DAPK2: variants seen among roughly 807,000 people sequenced by gnomAD.
DAPK2 encodes the protein death associated protein kinase 2.
DAPK2 carries 35 observed loss-of-function variants against 44.1 expected under a neutral mutation model. The ratio of observed to expected loss-of-function variants is 0.79; its 90% confidence interval spans 0.61 to 1.05. DAPK2 has a LOEUF of 1.05. Among genes scored for constraint, DAPK2 ranks in the 50% least tolerant of loss-of-function variants. The pLI, the probability that DAPK2 is intolerant of heterozygous loss-of-function variation, is 0.00. For synonymous variants in DAPK2, 174 were observed against 182.6 expected (o/e 0.95, Z 0.38); for missense variants, 453 against 483.2 (o/e 0.94, Z 0.59).
At chr15:63,961,278 TG>T (rs1314922762) in intron 3 of DAPK2, among the ~76,000 whole-genome samples, 1 of 152,238 alleles carries the variant, frequency 6.6e-6, no homozygotes, top group Non-Finnish European at 1.5e-5. Context: ...AGCACACTGA[TG>T]GGTCTTGACT....
intron 1 of DAPK2, among the ~76,000 whole-genome samples, chr15:63,989,499 C>A (rs533627989): frequency 6.6e-6 from 1 of 152,160 alleles, no homozygotes; most frequent in Non-Finnish European, 1.5e-5. Context: ...ATGAGGCTCT[C>A]GAGGTAACTG....
chr15:64,021,411 CT>C (rs999597443), intron 1 of DAPK2, among the ~76,000 whole-genome samples: 25 of 152,204 alleles, frequency 1.6e-4, no homozygotes, highest in Admixed American at 9.2e-4. Context: ...TGAACAGGGC[CT>C]TGATGAAATT....
exon 2 of DAPK2, chr15:63,983,747 A>C: frequency 1.2e-6 from 2 of 1,611,012 alleles, no homozygotes; most frequent in Non-Finnish European, 1.7e-6. Flanking sequence ...ACGATGGCAA[A>C]CTGGCCACTG....
chr15:63,993,723 T>A (rs756390558), intron 1 of DAPK2, among the ~76,000 whole-genome samples: 3 of 152,056 alleles, frequency 2.0e-5, no homozygotes, highest in Non-Finnish European at 2.9e-5. Context: ...ACCACCAACT[T>A]CCAAGCTTCC....
At chr15:64,032,502 C>A (rs1595916742) in intron 1 of DAPK2, among the ~76,000 whole-genome samples, 2 of 152,192 alleles carry the variant, frequency 1.3e-5, no homozygotes, top group African/African-American at 2.4e-5. Context: ...CTCATACGGC[C>A]ATTAGTGCTG....
At chr15:64,016,424 C>T (rs904115739) in intron 1 of DAPK2, among the ~76,000 whole-genome samples, 3 of 152,192 alleles carry the variant, frequency 2.0e-5, no homozygotes, top group Non-Finnish European at 4.4e-5. Flanking sequence ...GAGTGATTTG[C>T]CCTCAGTGAG....
intron 8 of DAPK2, chr15:63,918,037 C>T (rs1000428758): frequency 6.6e-6 from 1 of 152,192 alleles, no homozygotes; most frequent in Non-Finnish European, 1.5e-5. Flanking sequence ...GGACTGGACC[C>T]TTTTGCAACG....
chr15:63,942,886 C>T (rs2140471552), intron 3 of DAPK2, among the ~76,000 whole-genome samples: 1 of 152,272 alleles, frequency 6.6e-6, no homozygotes, highest in Non-Finnish European at 1.5e-5. Context: ...GTCTGCTTGT[C>T]TCCCTCTACT....
At chr15:63,925,678 G>GCGCGCGCACA (rs1352051474) in intron 7 of DAPK2, among the ~76,000 whole-genome samples, 17 of 138,540 alleles carry the variant, frequency 1.2e-4, no homozygotes, top group South Asian at 7.0e-4. Flanking sequence ...GACTTGTAGC[G>GCGCGCGCACA]CACACACACA....
chr15:64,007,288 C>A (rs1481876741), intron 1 of DAPK2, among the ~76,000 whole-genome samples: 1 of 152,014 alleles, frequency 6.6e-6, no homozygotes, highest in Non-Finnish European at 1.5e-5. Flanking sequence ...CCCTTTCACA[C>A]AACCCTTTCT....
intron 1 of DAPK2, among the ~76,000 whole-genome samples, chr15:63,994,064 G>T (rs2078884446): frequency 6.6e-6 from 1 of 152,120 alleles, no homozygotes; most frequent in Non-Finnish European, 1.5e-5. Context: ...TATCTTCATG[G>T]CCAGGAAAAT....
chr15:63,908,797 C>A lies in DAPK2; in HGVS notation c.1033-197G>T, dbSNP rs2078710340. On this transcript the variant is annotated intron_variant, in intron 10 of 10. Transcript: ENST00000261891. This position sits in a 1 kb window ranked among gnomAD's most constrained non-coding sequence, Gnocchi z 5.7. Reference sequence around the variant, plus strand: ...ATCTGAAACGAGGCCAGACCAACTGCTTGGAGGAAGGAAAGCAGCAGGGCA... The same window carrying A: ...ATCTGAAACGAGGCCAGACCAACTGATTGGAGGAAGGAAAGCAGCAGGGCA... 2 of 410,124 alleles carry A rather than the reference C, an allele frequency of 4.9e-6. No homozygotes were observed. Among genetic ancestry groups the A allele is most frequent in the South Asian group, 5.7e-5 (1 of 17,592 alleles). The allele number at this position is 410,124 out of a possible 1,614,324, so 25.4% of individuals were successfully genotyped here.
At chr15:64,016,929 C>T (rs1278369217) in intron 1 of DAPK2, among the ~76,000 whole-genome samples, 1 of 151,968 alleles carries the variant, frequency 6.6e-6, no homozygotes, top group Non-Finnish European at 1.5e-5. Flanking sequence ...CAGCATATGG[C>T]CTGCATACAA....
chr15:64,036,209 C>A lies in DAPK2; in HGVS notation c.92+3961G>T, dbSNP rs545039757. 1.3e-3 allele frequency among the ~76,000 whole-genome samples: 195 copies of A among 146,012 alleles called. 1 individual carries two copies. The highest frequency in any genetic ancestry group is 4.4e-3 in the African/African-American group (176 of 39,788). On this transcript the variant is annotated intron_variant, in intron 1 of 10. Coordinates refer to ENST00000261891, the Ensembl canonical transcript of DAPK2. ...CTGGGAGATGGAGGTTGCAGTGAGC[C>A]GAGATCTCACCACTGCACTCCAACC...
chr15:64,029,514 T>G (rs1392694108), intron 1 of DAPK2, among the ~76,000 whole-genome samples: 1 of 152,098 alleles, frequency 6.6e-6, no homozygotes, highest in Admixed American at 6.6e-5. Flanking sequence ...GGTGATAGCT[T>G]CCTCCTCCGA....
intron 1 of DAPK2, among the ~76,000 whole-genome samples, chr15:64,018,066 T>A (rs906632993): frequency 3.3e-5 from 5 of 152,218 alleles, no homozygotes; most frequent in Non-Finnish European, 2.9e-5. Context: ...AGTCATTTTT[T>A]AAAAACACCA....
rs2079451285 is a variant in DAPK2, at chr15:64,013,827, G to C, written c.92+26343C>G. 6.6e-6 allele frequency among the ~76,000 whole-genome samples: 1 copy of C among 152,198 alleles called. No homozygotes were observed. The highest frequency in any genetic ancestry group is 2.4e-5 in the African/African-American group (1 of 41,438). ...AACATGGGACCAGTCCCTGTAAGTG[G>C]TCCAGCCTCACATGAATAAATCATG... On this transcript the variant is annotated intron_variant, in intron 1 of 10. Transcript: ENST00000261891. This position sits in a 1 kb window ranked among gnomAD's most constrained non-coding sequence, Gnocchi z 4.7.
At chr15:63,973,386 C>T (rs1184261731) in intron 2 of DAPK2, among the ~76,000 whole-genome samples, 1 of 152,196 alleles carries the variant, frequency 6.6e-6, no homozygotes, top group Non-Finnish European at 1.5e-5. Flanking sequence ...CATTCCACCC[C>T]CATGGGCCTG....
chr15:64,025,932 T>C (rs1296605520), intron 1 of DAPK2, among the ~76,000 whole-genome samples: 1 of 152,220 alleles, frequency 6.6e-6, no homozygotes. Context: ...CATTCCTCTG[T>C]AAAAGCCAAT....
Sources: gnomAD v4.1 joint callset for allele counts (sites outside exome capture counted in the v4.1 genomes callset) on GRCh38, gnomAD v4.1.1 for gene constraint, Gnocchi (gnomAD v3.1) non-coding constraint, MANE v1.5 for transcripts, NCBI Gene and HGNC (gene_info 2026-07-23, HGNC 2026-07-21) for gene names.